The following LIFR variants were observed in gnomAD, a reference collection of about 807,000 sequenced individuals.
LIFR encodes leukemia inhibitory factor receptor.
LIFR carries 84 observed loss-of-function variants against 122.2 expected under a neutral mutation model. The ratio of observed to expected loss-of-function variants is 0.69; its 90% CI spans 0.58 to 0.82. The LOEUF (loss-of-function observed/expected upper bound fraction) is 0.82. LIFR is among the 40% of genes least tolerant of loss of function. LIFR has a pLI of 0.00. For missense variants in LIFR, 1,294 were observed against 1,311.6 expected, an observed-to-expected ratio of 0.99 and a Z score of 0.21; for synonymous variants, 422 against 434.7, an observed-to-expected ratio of 0.97 and a Z score of 0.36.
Position 38,479,320 on chromosome 5 carries a change from T to C in LIFR, c.*2275A>G, listed in dbSNP as rs997630961. The C allele has an allele frequency of 4.3e-6, 1 of 231,666 alleles. No homozygotes were observed. Among genetic ancestry groups the C allele is most frequent in the African/African-American group, 2.2e-5 (1 of 45,254 alleles). 14.4% of individuals were successfully genotyped at this position (231,666 alleles called of 1,614,324 possible). A position where few individuals can be genotyped will look rare whatever the true frequency, so the allele number is the denominator to read the frequency against. On this transcript the variant is annotated 3_prime_UTR_variant, in exon 20 of 20. Coordinates refer to ENST00000453190, the MANE Select transcript of LIFR (RefSeq NM_001127671.2). ...TCTCATTAAGCTAGTGATCCTCGTG[T>C]AGGGGATCCAAAAGTAGGGGAAAGG...
chr5:38,538,472 A>G (rs1747407342), intron 1 of LIFR, among the ~76,000 whole-genome samples: 1 of 152,204 alleles, frequency 6.6e-6, no homozygotes, highest in Non-Finnish European at 1.5e-5. Flanking sequence ...ATCCACTTGG[A>G]TATTTCAGAT....
chr5:38,560,902 T>C (rs1229595472), upstream of LIFR, among the ~76,000 whole-genome samples: 2 of 152,142 alleles, frequency 1.3e-5, no homozygotes, highest in Non-Finnish European at 2.9e-5. Flanking sequence ...AGCCTGTCTT[T>C]TGTTTATTTA....
intron 5 of LIFR, among the ~76,000 whole-genome samples, chr5:38,517,356 T>C (rs1325213360): frequency 2.0e-5 from 3 of 152,288 alleles, no homozygotes; most frequent in Non-Finnish European, 4.4e-5. Context: ...AGATACAAAC[T>C]AGGTTTGAGG....
chr5:38,590,047 G>C (rs1749873885), intron 1 of LIFR, among the ~76,000 whole-genome samples: 1 of 152,124 alleles, frequency 6.6e-6, no homozygotes, highest in Non-Finnish European at 1.5e-5. Flanking sequence ...AATTTACCAA[G>C]TAATTTATCA....
intron 11 of LIFR, among the ~76,000 whole-genome samples, chr5:38,500,899 G>A (rs1240326830): frequency 6.6e-6 from 1 of 152,146 alleles, no homozygotes; most frequent in African/African-American, 2.4e-5. Context: ...ATACTGTTCA[G>A]TCACCGGCTC....
intron 7 of LIFR, among the ~76,000 whole-genome samples, chr5:38,508,807 A>G (rs1046560361): frequency 6.6e-6 from 1 of 151,648 alleles, no homozygotes; most frequent in African/African-American, 2.4e-5. Context: ...GATGGTCTCG[A>G]TCTCCTGACC....
At chr5:38,496,297 C>A in intron 13 of LIFR, 85 bp downstream of exon 13, 1 of 1,087,780 alleles carries the variant, frequency 9.2e-7, no homozygotes. Flanking sequence ...GAGAAGAAGG[C>A]TGACATGACA....
intron 1 of LIFR, among the ~76,000 whole-genome samples, chr5:38,545,348 ATATG>A (rs1561195627): frequency 6.6e-6 from 1 of 150,704 alleles, no homozygotes; most frequent in East Asian, 1.9e-4. Context: ...AGACATAAAT[ATATG>A]TGTGTGTGTG....
At chr5:38,496,635 C>T (rs766506245) in intron 12 of LIFR, 40 bp from the exon 13 acceptor site, 12 of 1,443,018 alleles carry the variant, frequency 8.3e-6, no homozygotes, top group Admixed American at 3.3e-5. Context: ...CCCTGCAAAA[C>T]GTGACTGTGA....
At position 38,481,218 on chromosome 5, in the gene LIFR, T is replaced by C; in HGVS notation, c.*377A>G. 1 of 298,960 alleles carries C rather than the reference T, an allele frequency of 3.3e-6. No homozygotes were observed. Among genetic ancestry groups the C allele is most frequent in the South Asian group, 7.6e-5 (1 of 13,204 alleles). The allele number at this position is 298,960 out of a possible 1,614,324, so 18.5% of individuals were successfully genotyped here. On this transcript the variant is annotated 3_prime_UTR_variant, in exon 20 of 20. Transcript: ENST00000453190. ...CCTGGCCTGCAAATCCACTTACAAT[T>C]CCACCAAGTATACACATGAGAAAAC... is the stretch of plus-strand genomic sequence containing the variant.
At chr5:38,581,007 T>G (rs1273629051) in intron 1 of LIFR, among the ~76,000 whole-genome samples, 1 of 152,172 alleles carries the variant, frequency 6.6e-6, no homozygotes, top group East Asian at 1.9e-4. Context: ...GCCAAGTTAT[T>G]CAACCTCTCT....
At chr5:38,580,442 C>T (rs1003012061) in intron 1 of LIFR, among the ~76,000 whole-genome samples, 1 of 152,076 alleles carries the variant, frequency 6.6e-6, no homozygotes. Context: ...TTCTCTGGCT[C>T]TTCCTCCTAG....
chr5:38,484,672 T>A, intron 18 of LIFR, 103 bp downstream of exon 18: 1 of 769,224 alleles, frequency 1.3e-6, no homozygotes, highest in East Asian at 2.7e-5. Flanking sequence ...ACTAACTTAT[T>A]ACAACAAAAA....
intron 1 of LIFR, among the ~76,000 whole-genome samples, chr5:38,553,622 CTATATATATATATATATATA>C (rs66547796): frequency 0.011 from 455 of 41,634 alleles, 18 homozygotes; most frequent in African/African-American, 0.02. Context: ...ACCATTTAAA[CTATATATATATATATATATA>C]TATATATATA....
chr5:38,489,294 G>A lies in LIFR; in HGVS notation c.2168-49C>T, dbSNP rs138939357. On this transcript the variant is annotated intron_variant, in intron 15 of 19. Transcript: ENST00000453190. ...CTAAAGGGGAGTGTATGAATACAGAGTAATACAGTAATGTTTCCTGAGCTT... is the reference window on the plus strand; with the variant it reads ...CTAAAGGGGAGTGTATGAATACAGAATAATACAGTAATGTTTCCTGAGCTT... The A allele has an allele frequency of 4.3e-4, 576 of 1,332,210 alleles. 4 individuals are homozygous for A. The African/African-American group carries it at 7.4e-3, about 17-fold the overall frequency. 82.5% of individuals were successfully genotyped at this position (1,332,210 alleles called of 1,614,324 possible).
intron 1 of LIFR, among the ~76,000 whole-genome samples, chr5:38,580,189 G>C (rs545996771): frequency 1.3e-5 from 2 of 152,216 alleles, no homozygotes; most frequent in South Asian, 2.1e-4. Flanking sequence ...CCACCCAAAT[G>C]CATCCTTGTA....
chr5:38,515,667 T>C (rs532620003), intron 5 of LIFR, among the ~76,000 whole-genome samples: 2 of 151,828 alleles, frequency 1.3e-5, no homozygotes, highest in East Asian at 3.9e-4. Flanking sequence ...GGGGTTGCTA[T>C]CAAGAAATAG....
At position 38,530,640 on chromosome 5, in the gene LIFR, T is replaced by C. The variant is rs754162399; in HGVS notation, c.8A>G (p.Asp3Gly). Reference sequence around the variant, plus strand: ...TGGTCGTTTCAAACATACGTAAATATCCATCATCTGTGCAATGCAGTCAGT... The same window carrying C: ...TGGTCGTTTCAAACATACGTAAATACCCATCATCTGTGCAATGCAGTCAGT... MM[D>G]IYVCLKRPSW... is the part of the protein sequence containing the mutation. Residue 3 changes from aspartate (D) to glycine (G), a missense_variant, in exon 2 of 20, where the codon GAT (aspartate) becomes GGT (glycine). Coordinates refer to ENST00000453190, the MANE Select transcript of LIFR (RefSeq NM_001127671.2). The C allele has an allele frequency of 6.2e-7, 1 of 1,613,902 alleles. No homozygotes were observed. The highest frequency in any genetic ancestry group is 8.5e-7 in the Non-Finnish European group (1 of 1,179,820).
At chr5:38,595,394 G>A (rs531559181) in exon 1 of LIFR, 1 of 152,494 alleles carries the variant, frequency 6.6e-6, no homozygotes, top group East Asian at 1.9e-4. Context: ...CTGGGAGAGA[G>A]GGTTAGGATT....
Sources: gnomAD v4.1 joint callset for allele counts (sites outside exome capture counted in the v4.1 genomes callset) on GRCh38, gnomAD v4.1.1 for gene constraint, MANE v1.5 for transcripts, NCBI Gene and HGNC (gene_info 2026-07-23, HGNC 2026-07-21) for gene names.